The following TRPM3 variants were observed in gnomAD, a reference collection of about 807,000 sequenced individuals.
TRPM3 encodes long transient receptor potential channel 3.
In TRPM3, 77 loss-of-function variants were observed where a neutral mutation model predicts 181.2. That is an observed-to-expected ratio of 0.42 (90% CI 0.35 to 0.51). The LOEUF (loss-of-function observed/expected upper bound fraction) is 0.51, where lower values mean the gene tolerates loss of function less well. TRPM3 is among the 20% of genes least tolerant of loss of function. The pLI is 0.01. For synonymous variants in TRPM3, 745 were observed against 796.4 expected, an observed-to-expected ratio of 0.94 and a Z score of 1.09; for missense variants, 1,759 against 2,196.7, an observed-to-expected ratio of 0.80 and a Z score of 3.98.
rs1009845214 is a variant in TRPM3 at position 71,015,978 on chromosome 9, C to T, written c.177+105200G>A. ...TTGGGAGGCCGAGGGAGGCGGATCA[C>T]GAGGTCAAGAGATTGAGGCCATCCT... On this transcript the variant is annotated intron_variant, in intron 1 of 25. Coordinates refer to ENST00000677713, the MANE Select transcript of TRPM3 (RefSeq NM_001366145.2). Among the ~76,000 whole-genome samples, 13 of 151,948 alleles carry T rather than the reference C, an allele frequency of 8.6e-5. No individual in the cohort carries two copies. The East Asian group carries it at 2.5e-3, about 30-fold the overall frequency.
chr9:70,862,415 C>T (rs193108302), intron 3 of TRPM3, among the ~76,000 whole-genome samples: 8 of 152,160 alleles, frequency 5.3e-5, no homozygotes, highest in Admixed American at 4.6e-4. Flanking sequence ...CACTTAATTT[C>T]GATGGCAATA....
At chr9:71,000,953 T>C (rs556253080) in intron 1 of TRPM3, among the ~76,000 whole-genome samples, 1 of 152,326 alleles carries the variant, frequency 6.6e-6, no homozygotes, top group Admixed American at 6.5e-5. Context: ...GCCAGCTACA[T>C]AACAACCAAA....
intron 1 of TRPM3, among the ~76,000 whole-genome samples, chr9:70,966,311 C>T (rs750041071): frequency 6.6e-6 from 1 of 152,184 alleles, no homozygotes; most frequent in Non-Finnish European, 1.5e-5. Flanking sequence ...TAAATTCATT[C>T]AACCATTGTG....
intron 1 of TRPM3, among the ~76,000 whole-genome samples, chr9:71,359,784 G>A (rs2092066500): frequency 6.6e-6 from 1 of 151,904 alleles, no homozygotes; most frequent in Non-Finnish European, 1.5e-5. Flanking sequence ...GTATGATCTT[G>A]GGTTTAAGAT....
intron 1 of TRPM3, among the ~76,000 whole-genome samples, chr9:71,130,387 A>C (rs565208020): frequency 6.6e-6 from 1 of 152,206 alleles, no homozygotes; most frequent in East Asian, 1.9e-4. Flanking sequence ...TCAATGACAC[A>C]AAAGATGCAC....
chr9:70,934,407 C>G (rs147496835), intron 1 of TRPM3, among the ~76,000 whole-genome samples: 3 of 152,242 alleles, frequency 2.0e-5, no homozygotes, highest in Admixed American at 2.0e-4. Context: ...GGGGACTCTA[C>G]TGCTCCCTGA....
chr9:70,556,876 T>C (rs902595756), intron 22 of TRPM3, among the ~76,000 whole-genome samples: 2 of 152,216 alleles, frequency 1.3e-5, no homozygotes, highest in African/African-American at 4.8e-5. Flanking sequence ...TTACACAAGA[T>C]AATGCATGCA....
intron 1 of TRPM3, among the ~76,000 whole-genome samples, chr9:71,213,542 T>C (rs1346025158): frequency 6.6e-6 from 1 of 152,224 alleles, no homozygotes; most frequent in Non-Finnish European, 1.5e-5. Flanking sequence ...TTCATCTTTT[T>C]AAGGGAGAGA....
intron 1 of TRPM3, among the ~76,000 whole-genome samples, chr9:70,929,563 T>C (rs539549951): frequency 1.6e-4 from 24 of 152,312 alleles, no homozygotes; most frequent in Non-Finnish European, 2.8e-4. Context: ...TGAATTGTGT[T>C]TTCCAAAGTT....
intron 1 of TRPM3, among the ~76,000 whole-genome samples, chr9:71,420,627 GAA>G (rs1565556354): frequency 8.6e-6 from 1 of 116,782 alleles, no homozygotes; most frequent in Non-Finnish European, 1.8e-5. Flanking sequence ...GACAGAAAAA[GAA>G]AAAGAAAAAG....
chr9:70,754,323 C>G (rs1260276902), intron 8 of TRPM3, among the ~76,000 whole-genome samples: 1 of 152,190 alleles, frequency 6.6e-6, no homozygotes, highest in Non-Finnish European at 1.5e-5. Context: ...TCTGTGACAT[C>G]TGTTCCCCAA....
intron 1 of TRPM3, among the ~76,000 whole-genome samples, chr9:71,419,659 T>C (rs1181417083): frequency 6.6e-6 from 1 of 152,024 alleles, no homozygotes; most frequent in Non-Finnish European, 1.5e-5. Flanking sequence ...GAAGTTCTGA[T>C]ACAATAATGT....
chr9:70,756,693 C>T (rs10868881), intron 8 of TRPM3, among the ~76,000 whole-genome samples: 33,196 of 152,128 alleles, frequency 0.22, 4,449 homozygotes, highest in Non-Finnish European at 0.3. Flanking sequence ...TCACTCAAAC[C>T]ATACAACTAC....
At chr9:71,128,058 A>G (rs1191872046) in intron 1 of TRPM3, among the ~76,000 whole-genome samples, 1 of 152,194 alleles carries the variant, frequency 6.6e-6, no homozygotes, top group Non-Finnish European at 1.5e-5. Flanking sequence ...AAGCAAAACA[A>G]AACACCTTCA....
chr9:71,265,267 G>C (rs1429790167), intron 1 of TRPM3, among the ~76,000 whole-genome samples: 1 of 152,154 alleles, frequency 6.6e-6, no homozygotes, highest in East Asian at 1.9e-4. Context: ...ATAATGCCTA[G>C]ATGTCCCATA....
intron 21 of TRPM3, among the ~76,000 whole-genome samples, chr9:70,591,996 G>T (rs1345711240): frequency 6.6e-6 from 1 of 152,140 alleles, no homozygotes; most frequent in Non-Finnish European, 1.5e-5. Context: ...AAATCCTCCA[G>T]GCTGCTCTCT....
At chr9:70,852,978 T>C (rs1048460869) in intron 3 of TRPM3, among the ~76,000 whole-genome samples, 1 of 152,202 alleles carries the variant, frequency 6.6e-6, no homozygotes, top group African/African-American at 2.4e-5. Flanking sequence ...TTCTGGTTGT[T>C]TTTCCCATGG....
intron 1 of TRPM3, among the ~76,000 whole-genome samples, chr9:71,172,551 C>T (rs1030381192): frequency 8.5e-5 from 13 of 152,060 alleles, no homozygotes; most frequent in Admixed American, 3.3e-4. Flanking sequence ...GCACCACAAG[C>T]GAGTACCACC....
At chr9:71,364,118 A>G (rs932260099) in intron 1 of TRPM3, among the ~76,000 whole-genome samples, 1 of 152,130 alleles carries the variant, frequency 6.6e-6, no homozygotes, top group Non-Finnish European at 1.5e-5. Context: ...GCATGCAAAA[A>G]CCAAAACAAG....
Sources: allele counts gnomAD v4.1 joint callset (sites outside exome capture counted in the v4.1 genomes callset), GRCh38; gene constraint gnomAD v4.1.1; transcripts MANE v1.5; gene names NCBI Gene and HGNC (gene_info 2026-07-23, HGNC 2026-07-21).